Variants in RIMS1 observed in about 807,000 individuals in gnomAD.
The protein encoded by RIMS1 is regulating synaptic membrane exocytosis protein 1.
Under a neutral mutation model 214.1 loss-of-function variants are expected in RIMS1, and 83 were observed. That is an observed-to-expected ratio of 0.39 (90% confidence interval 0.32 to 0.47). RIMS1 has a LOEUF of 0.47. RIMS1 is among the 20% of genes least tolerant of loss of function. The probability of loss-of-function intolerance (pLI) is 0.99; values close to 1 mark genes in which losing one functional copy is unlikely to be tolerated. For synonymous variants in RIMS1, 793 were observed against 786.8 expected (o/e 1.01, Z -0.13); for missense variants, 2,050 against 2,161.8 (o/e 0.95, Z 1.03).
chr6:72,182,386 C>T lies in RIMS1; in HGVS notation c.915C>T (p.Val305=), dbSNP rs1159719316. The T allele has an allele frequency of 1.2e-6, 2 of 1,613,738 alleles. No individual in the cohort carries two copies. The highest frequency in any genetic ancestry group is 1.3e-5 in the African/African-American group (1 of 74,994). The change falls in exon 6 of 34, where the codon GTC becomes GTT. Residue 305 remains valine (V), a synonymous_variant. Coordinates refer to ENST00000521978, the MANE Select transcript of RIMS1 (RefSeq NM_014989.7). Reference sequence around the variant, plus strand: ...CAGCGCAGCCCGTGGAGGGGGCCGTCGAAGAACGGGAGCGCAAAGAAAGGC... The same window carrying T: ...CAGCGCAGCCCGTGGAGGGGGCCGTTGAAGAACGGGAGCGCAAAGAAAGGC... ...KTSAQPVEGA[V]EERERKERRE...
intron 2 of RIMS1, among the ~76,000 whole-genome samples, chr6:72,056,478 T>A (rs1369148403): frequency 6.6e-6 from 1 of 152,220 alleles, no homozygotes; most frequent in Non-Finnish European, 1.5e-5. Flanking sequence ...TATAAAAGAA[T>A]GCCTTATGCA....
chr6:72,055,142 AGAGG>A (rs1221562459), intron 2 of RIMS1, among the ~76,000 whole-genome samples: 3 of 152,182 alleles, frequency 2.0e-5, no homozygotes, highest in African/African-American at 4.8e-5. Flanking sequence ...ATGAAATAAT[AGAGG>A]GACATTTGAG....
intron 2 of RIMS1, among the ~76,000 whole-genome samples, chr6:72,039,684 T>A (rs1049455322): frequency 3.9e-5 from 6 of 152,096 alleles, no homozygotes; most frequent in Admixed American, 3.9e-4. Flanking sequence ...ATATTCTATC[T>A]GGTTCTGTGA....
intron 4 of RIMS1, among the ~76,000 whole-genome samples, chr6:72,148,037 A>G (rs2042982849): frequency 6.6e-6 from 1 of 152,188 alleles, no homozygotes. Context: ...CATGTTGTAA[A>G]AGTTAGCCCC....
intron 29 of RIMS1, among the ~76,000 whole-genome samples, chr6:72,339,305 T>G (rs934556898): frequency 2.6e-5 from 4 of 151,946 alleles, no homozygotes; most frequent in African/African-American, 9.7e-5. Flanking sequence ...AATTATACTT[T>G]AAGTTTTAGG....
At chr6:72,376,318 G>A (rs2807507) in intron 29 of RIMS1, among the ~76,000 whole-genome samples, 3,113 of 152,176 alleles carry the variant, frequency 0.02, 90 homozygotes, top group African/African-American at 0.069. Context: ...GGAATATTTT[G>A]TCTGGGTCTA....
chr6:72,005,416 T>C (rs1427679396), intron 2 of RIMS1, among the ~76,000 whole-genome samples: 3 of 152,210 alleles, frequency 2.0e-5, no homozygotes, highest in Non-Finnish European at 2.9e-5. Context: ...AGAAAGTCAT[T>C]GGTAGCTTCA....
intron 4 of RIMS1, among the ~76,000 whole-genome samples, chr6:72,129,500 A>AATAC (rs1208600254): frequency 6.6e-6 from 1 of 152,170 alleles, no homozygotes; most frequent in African/African-American, 2.4e-5. Flanking sequence ...AGTATTACCC[A>AATAC]ATACATACTT....
chr6:71,915,200 A>G (rs929950731), intron 1 of RIMS1, among the ~76,000 whole-genome samples: 2 of 152,066 alleles, frequency 1.3e-5, no homozygotes, highest in Admixed American at 6.6e-5. Flanking sequence ...TTCTATTTAC[A>G]GTTATACTGA....
Position 71,947,543 on chromosome 6 carries a change from G to A in RIMS1, c.165-21440G>A, listed in dbSNP as rs12215118. Reference sequence around the variant, plus strand: ...AAAATGGTGATTATCAGAAGTTGGGGTGAGTGAGAGGATTGGGGAGATGTT... The same window carrying A: ...AAAATGGTGATTATCAGAAGTTGGGATGAGTGAGAGGATTGGGGAGATGTT... On this transcript the variant is annotated intron_variant, in intron 1 of 33. Coordinates refer to ENST00000521978, the MANE Select transcript of RIMS1 (RefSeq NM_014989.7). Among the ~76,000 whole-genome samples, 1,136 of 152,198 alleles carry A rather than the reference G, an allele frequency of 7.5e-3. 14 individuals are homozygous for A. The highest frequency in any genetic ancestry group is 0.027 in the South Asian group (132 of 4,824).
intron 2 of RIMS1, among the ~76,000 whole-genome samples, chr6:72,062,874 G>T (rs1301994361): frequency 6.6e-6 from 1 of 151,978 alleles, no homozygotes; most frequent in Non-Finnish European, 1.5e-5. Flanking sequence ...TCTTTCCTCT[G>T]TACTTCTCTG....
At chr6:72,083,793 A>G (rs1186980738) in intron 2 of RIMS1, among the ~76,000 whole-genome samples, 3 of 152,174 alleles carry the variant, frequency 2.0e-5, no homozygotes, top group Non-Finnish European at 4.4e-5. Flanking sequence ...TATTATCACC[A>G]GTTCATAAAT....
At chr6:72,316,647 C>A in intron 28 of RIMS1, 1 of 515,798 alleles carries the variant, frequency 1.9e-6, no homozygotes, top group South Asian at 1.7e-5. Flanking sequence ...CCACCAGGTC[C>A]CAAGCATGGC....
chr6:72,126,945 G>A (rs936983374), intron 4 of RIMS1, among the ~76,000 whole-genome samples: 1 of 152,130 alleles, frequency 6.6e-6, no homozygotes, highest in Admixed American at 6.5e-5. Flanking sequence ...CCAAAGGAAA[G>A]AAGTCATTAT....
At chr6:71,937,981 G>A (rs967896124) in intron 1 of RIMS1, among the ~76,000 whole-genome samples, 3 of 152,056 alleles carry the variant, frequency 2.0e-5, no homozygotes, top group African/African-American at 4.8e-5. Context: ...GGCATGATTC[G>A]TCCTGAGGCA....
chr6:71,992,516 C>A (rs185675921), intron 2 of RIMS1, among the ~76,000 whole-genome samples: 3 of 148,962 alleles, frequency 2.0e-5, no homozygotes, highest in South Asian at 4.3e-4. Flanking sequence ...TCCTCCTCCT[C>A]CTCTTCCTCC....
At chr6:72,311,906 G>A (rs2095531474) in intron 27 of RIMS1, among the ~76,000 whole-genome samples, 1 of 152,164 alleles carries the variant, frequency 6.6e-6, no homozygotes, top group South Asian at 2.1e-4. Flanking sequence ...GGGAGGCTAA[G>A]GTTGGAGTGA....
chr6:72,188,395 A>G (rs2049492314), intron 6 of RIMS1, among the ~76,000 whole-genome samples: 3 of 152,168 alleles, frequency 2.0e-5, no homozygotes, highest in South Asian at 4.1e-4. Context: ...CCAATCCCCA[A>G]CCCAAATGCT....
chr6:72,094,798 C>T (rs902926961), intron 2 of RIMS1, among the ~76,000 whole-genome samples: 4 of 151,920 alleles, frequency 2.6e-5, no homozygotes, highest in African/African-American at 9.7e-5. Context: ...AAACTTTTTC[C>T]TTAGCCTAGT....
Sources: allele counts gnomAD v4.1 joint callset (sites outside exome capture counted in the v4.1 genomes callset), GRCh38; gene constraint gnomAD v4.1.1; transcripts MANE v1.5; gene names NCBI Gene and HGNC (gene_info 2026-07-23, HGNC 2026-07-21).